Variants in TMC5 observed in about 807,000 individuals in gnomAD.
TMC5 encodes transmembrane channel like 5.
Under a neutral mutation model 110.5 loss-of-function variants are expected in TMC5, and 86 were observed. The ratio of observed to expected loss-of-function variants is 0.78; its 90% confidence interval spans 0.65 to 0.93. The LOEUF is 0.93. Ranked by LOEUF, TMC5 falls within the 40% of genes least tolerant of loss-of-function variation. The pLI is 0.00. For missense variants in TMC5, 1,144 were observed against 1,222.8 expected, an observed-to-expected ratio of 0.94 and a Z score of 0.96; for synonymous variants, 455 against 439.5, an observed-to-expected ratio of 1.04 and a Z score of -0.44.
intron 1 of TMC5, among the ~76,000 whole-genome samples, chr16:19,418,727 G>GTTTTTTTTTTTTTTTTTTTTTTT (rs57232416): frequency 1.7e-5 from 2 of 119,116 alleles, no homozygotes; most frequent in Admixed American, 8.7e-5. Context: ...TGATTTTTGT[G>GTTTTTTTTTTTTTTTTTTTTTTT]TTTTTTTTTT....
intron 9 of TMC5, among the ~76,000 whole-genome samples, chr16:19,468,227 G>C (rs1968237335): frequency 6.6e-6 from 1 of 151,906 alleles, no homozygotes; most frequent in African/African-American, 2.4e-5. Context: ...CCCCCTGCTG[G>C]GCCTCCCAAA....
chr16:19,469,563 G>C, intron 9 of TMC5, 118 bp from the exon 10 acceptor site: 1 of 1,281,652 alleles, frequency 7.8e-7, no homozygotes, highest in Non-Finnish European at 1.1e-6. Flanking sequence ...CAACAGCTTG[G>C]GGCTAAGTCT....
intron 2 of TMC5, among the ~76,000 whole-genome samples, chr16:19,438,409 G>A (rs1006909078): frequency 0.024 from 1,181 of 49,546 alleles, 15 homozygotes; most frequent in Middle Eastern, 0.034. Context: ...AAAAAAAAAA[G>A]AAGAAAGAAA....
intron 1 of TMC5, among the ~76,000 whole-genome samples, chr16:19,421,782 A>G (rs1176377625): frequency 6.6e-6 from 1 of 152,244 alleles, no homozygotes; most frequent in African/African-American, 2.4e-5. Flanking sequence ...GGAACAAATC[A>G]GAGTTGAAAA....
At chr16:19,453,324 C>T (rs141604563) in intron 5 of TMC5, among the ~76,000 whole-genome samples, 2 of 152,088 alleles carry the variant, frequency 1.3e-5, no homozygotes, top group East Asian at 1.9e-4. Context: ...CATGGTAGCT[C>T]ATGCTTGTAA....
At chr16:19,465,039 C>T (rs573186491) in intron 8 of TMC5, among the ~76,000 whole-genome samples, 7 of 102,114 alleles carry the variant, frequency 6.9e-5, no homozygotes, top group Non-Finnish European at 1.3e-4. Context: ...TTCTTTCTTT[C>T]TTTCTTTCTT....
chr16:19,474,004 A>AGGAGC, intron 11 of TMC5, 121 bp from the exon 12 acceptor site: 4 of 928,390 alleles, frequency 4.3e-6, no homozygotes, highest in Non-Finnish European at 6.3e-6. Context: ...AAATAAATAG[A>AGGAGC]TAAATAGTTA....
intron 5 of TMC5, among the ~76,000 whole-genome samples, chr16:19,454,753 A>C (rs536438055): frequency 6.6e-6 from 1 of 152,288 alleles, no homozygotes; most frequent in African/African-American, 2.4e-5. Flanking sequence ...GGTGATTTGA[A>C]ATTAGATCTA....
In TMC5 at chr16:19,469,683, T is replaced by C. The variant is rs1181606215; in HGVS notation, c.1640T>C (p.Met547Thr). The C allele has an allele frequency of 1.4e-5, 23 of 1,613,922 alleles. No individual in the cohort carries two copies. The highest frequency in any genetic ancestry group is 1.9e-5 in the Non-Finnish European group (23 of 1,179,924). The part of the protein sequence containing the change: ...TTCFFSLLFS[M>T]AKYFRNNFIN... ...GTTCTGCTTTCTGCCTTCTCTAGCA[T>C]GGCCAAGTATTTCCGGAACAACTTC... The change falls in exon 10 of 22, where the codon ATG (methionine) becomes ACG (threonine). Residue 547 changes from methionine (M) to threonine (T), a missense_variant and splice_region_variant. Met to Thr is a moderately conservative substitution (Grantham distance 81). Transcript: ENST00000542583.
chr16:19,481,487 A>T, intron 15 of TMC5, 22 bp downstream of exon 15: 1 of 1,543,786 alleles, frequency 6.5e-7, no homozygotes, highest in Non-Finnish European at 9.0e-7. Flanking sequence ...GACTCAGCAA[A>T]ATGCCCAGTG....
In TMC5 at chr16:19,420,298, C is replaced by T. The variant is rs151043934; in HGVS notation, c.-308+2206C>T. 6.1e-3 allele frequency among the ~76,000 whole-genome samples: 925 copies of T among 152,074 alleles called. 11 individuals are homozygous for T. The highest frequency in any genetic ancestry group is 0.021 in the African/African-American group (891 of 41,476). On this transcript the variant is annotated intron_variant, in intron 1 of 21. Transcript: ENST00000542583. ...AAAAAATTAGCCAGGCATGGTGGCA[C>T]ACACCTGTAGTCTCAGCTACTGGAG...
At chr16:19,441,806 A>G (rs1392876608) in intron 3 of TMC5, among the ~76,000 whole-genome samples, 1 of 151,066 alleles carries the variant, frequency 6.6e-6, no homozygotes, top group Non-Finnish European at 1.5e-5. Context: ...TTATTCATTC[A>G]TTCATTCATT....
chr16:19,481,495 G>A, intron 15 of TMC5, 30 bp downstream of exon 15: 1 of 1,504,348 alleles, frequency 6.6e-7, no homozygotes, highest in Non-Finnish European at 9.3e-7. Flanking sequence ...AAAATGCCCA[G>A]TGGTTCCCAC....
rs191552719 is a variant in TMC5, at chr16:19,477,335, G to A, written c.2091-105G>A. ...AGCCATGTGCCCCCCTCCAACCACA[G>A]GGGCCAGGAATTTCTATCTTACCAT... is the stretch of plus-strand genomic sequence containing the variant. On this transcript the variant is annotated intron_variant, in intron 12 of 21. Coordinates refer to ENST00000542583, the MANE Select transcript of TMC5 (RefSeq NM_001261841.2). 725 of 843,130 alleles carry A rather than the reference G, an allele frequency of 8.6e-4. 2 individuals are homozygous for A. The highest frequency in any genetic ancestry group is 1.3e-3 in the Non-Finnish European group (634 of 497,686). The allele number at this position is 843,130 out of a possible 1,614,324, so 52.2% of individuals were successfully genotyped here.
chr16:19,456,262 C>CATATATATGTATATTTAGAACAT (rs1967869794), intron 5 of TMC5, among the ~76,000 whole-genome samples: 1 of 148,624 alleles, frequency 6.7e-6, no homozygotes, highest in African/African-American at 2.5e-5. Context: ...ATATTTAGAA[C>CATATATATGTATATTTAGAACAT]ATATATATGT....
upstream of TMC5, among the ~76,000 whole-genome samples, chr16:19,415,063 C>T (rs1461055804): frequency 6.6e-6 from 1 of 152,190 alleles, no homozygotes; most frequent in African/African-American, 2.4e-5. Context: ...AAAAGTATCT[C>T]CCTCCATATC....
At chr16:19,443,926 T>C (rs1967549418) in intron 3 of TMC5, among the ~76,000 whole-genome samples, 155 bp from the exon 4 acceptor site, 2 of 151,834 alleles carry the variant, frequency 1.3e-5, no homozygotes, top group Non-Finnish European at 2.9e-5. Context: ...ATTGAATGGA[T>C]GGATACATGG....
chr16:19,413,515 C>T (rs1408727946), upstream of TMC5, among the ~76,000 whole-genome samples: 1 of 103,746 alleles, frequency 9.6e-6, no homozygotes, highest in Non-Finnish European at 1.8e-5. Flanking sequence ...CATTGCCAAA[C>T]CCTGCCTCAA....
Position 19,474,201 on chromosome 16 carries a change from C to G in TMC5, c.2015C>G (p.Pro672Arg), listed in dbSNP as rs767867644. 6.2e-7 allele frequency: 1 copy of G among 1,614,066 alleles called. No individual in the cohort carries two copies. Among genetic ancestry groups the G allele is most frequent in the Non-Finnish European group, 8.5e-7 (1 of 1,180,014 alleles). Reference protein sequence around the residue: ...FVVSCINLAVPCIYSMFRLVE... With the variant: ...FVVSCINLAVRCIYSMFRLVE... Reference sequence around the variant, plus strand: ...GTGTCCTGCATTAATCTGGCCGTGCCATGCATCTACTCCATGTTCAGGCTT... The same window carrying G: ...GTGTCCTGCATTAATCTGGCCGTGCGATGCATCTACTCCATGTTCAGGCTT... The change falls in exon 12 of 22, where the codon CCA becomes CGA. Residue 672 changes from proline (P) to arginine (R), a missense_variant. By Grantham distance (103) the Pro-to-Arg change is moderately radical. Coordinates refer to ENST00000542583, the MANE Select transcript of TMC5 (RefSeq NM_001261841.2).
Sources: gnomAD v4.1 joint callset for allele counts (sites outside exome capture counted in the v4.1 genomes callset) on GRCh38, gnomAD v4.1.1 for gene constraint, MANE v1.5 for transcripts, NCBI Gene and HGNC (gene_info 2026-07-23, HGNC 2026-07-21) for gene names.